TMEM117: variants seen among roughly 807,000 people sequenced by gnomAD.
TMEM117 encodes the protein transmembrane protein 117.
Under a neutral mutation model 52.4 loss-of-function variants are expected in TMEM117, and 27 were observed. The ratio of observed to expected loss-of-function variants is 0.51; its 90% CI spans 0.38 to 0.71. TMEM117 has a LOEUF of 0.71. TMEM117 is among the 30% of genes least tolerant of loss of function. The pLI, the probability that TMEM117 is intolerant of heterozygous loss-of-function variation, is 0.00. For missense variants in TMEM117, 556 were observed against 630.5 expected (o/e 0.88, Z 1.26); for synonymous variants, 215 against 206.3 (o/e 1.04, Z -0.36).
intron 6 of TMEM117, among the ~76,000 whole-genome samples, chr12:44,314,539 C>T (rs1319009677): frequency 6.8e-6 from 1 of 148,032 alleles, no homozygotes; most frequent in African/African-American, 2.5e-5. Context: ...CTATGTTTAT[C>T]AGGGATATTG....
At chr12:44,057,933 C>G (rs575056471) in intron 3 of TMEM117, among the ~76,000 whole-genome samples, 1 of 152,148 alleles carries the variant, frequency 6.6e-6, no homozygotes, top group African/African-American at 2.4e-5. Context: ...ACCTAATACC[C>G]GTACAGGCTT....
intron 5 of TMEM117, among the ~76,000 whole-genome samples, chr12:44,238,591 G>A (rs1180520226): frequency 2.6e-5 from 4 of 151,960 alleles, no homozygotes; most frequent in Admixed American, 1.3e-4. Flanking sequence ...CAATTATCGT[G>A]CTTGTGAATA....
At chr12:44,308,360 T>G (rs1950929665) in intron 6 of TMEM117, among the ~76,000 whole-genome samples, 1 of 152,150 alleles carries the variant, frequency 6.6e-6, no homozygotes, top group South Asian at 2.1e-4. Flanking sequence ...AAAAGAATAT[T>G]TCAGCCCTAT....
intron 3 of TMEM117, among the ~76,000 whole-genome samples, chr12:44,023,378 T>C (rs1222508147): frequency 6.6e-6 from 1 of 152,162 alleles, no homozygotes; most frequent in East Asian, 1.9e-4. Context: ...TTTCTAGTTC[T>C]AGATCCCTGA....
chr12:43,844,442 T>A (rs1943165776), intron 1 of TMEM117, among the ~76,000 whole-genome samples, 182 bp from the exon 2 acceptor site: 1 of 152,250 alleles, frequency 6.6e-6, no homozygotes, highest in South Asian at 2.1e-4. Context: ...TATGATTAGA[T>A]GTTAGGGAAG....
At chr12:44,264,459 A>AG (rs1249935052) in intron 5 of TMEM117, among the ~76,000 whole-genome samples, 2 of 152,130 alleles carry the variant, frequency 1.3e-5, no homozygotes, top group African/African-American at 4.8e-5. Context: ...TGTTTCTGTG[A>AG]GGTGGGTATT....
chr12:43,854,464 G>A (rs78340597), intron 2 of TMEM117, among the ~76,000 whole-genome samples: 2 of 148,276 alleles, frequency 1.3e-5, no homozygotes, highest in South Asian at 2.1e-4. Flanking sequence ...AAAAAAAAAA[G>A]TCCATAGTGG....
chr12:44,361,003 A>G (rs1000443761), intron 6 of TMEM117, among the ~76,000 whole-genome samples: 1 of 152,174 alleles, frequency 6.6e-6, no homozygotes, highest in African/African-American at 2.4e-5. Flanking sequence ...AAGCAGTGCT[A>G]GAGATTGCAT....
intron 6 of TMEM117, among the ~76,000 whole-genome samples, chr12:44,304,164 G>A (rs772466776): frequency 3.9e-4 from 59 of 152,296 alleles, no homozygotes; most frequent in Non-Finnish European, 6.0e-4. Flanking sequence ...CAGTGGCCAC[G>A]TGGCACAGAA....
chr12:44,352,164 A>T (rs1951571600), intron 6 of TMEM117, among the ~76,000 whole-genome samples: 1 of 151,976 alleles, frequency 6.6e-6, no homozygotes, highest in Non-Finnish European at 1.5e-5. Flanking sequence ...CCCATTTTTC[A>T]TTATGTGATT....
At chr12:43,914,790 A>G (rs982956065) in intron 2 of TMEM117, among the ~76,000 whole-genome samples, 7 of 152,152 alleles carry the variant, frequency 4.6e-5, no homozygotes, top group Non-Finnish European at 1.0e-4. Context: ...TCAAAGGGAG[A>G]GGAAGCTGAA....
At chr12:43,834,523 ACT>A (rs113414443), upstream of TMEM117, among the ~76,000 whole-genome samples, 443 of 152,286 alleles carry the variant, frequency 2.9e-3, 3 homozygotes, top group African/African-American at 8.6e-3. Flanking sequence ...ATAGGCAACA[ACT>A]CTTTCTGGCA....
intron 6 of TMEM117, among the ~76,000 whole-genome samples, chr12:44,369,003 G>C (rs1324013312): frequency 6.6e-6 from 1 of 151,708 alleles, no homozygotes; most frequent in African/African-American, 2.4e-5. Flanking sequence ...ACTAACTTTA[G>C]TTATCAGCAA....
At chr12:43,843,332 A>G (rs1943146534) in intron 1 of TMEM117, among the ~76,000 whole-genome samples, 1 of 152,230 alleles carries the variant, frequency 6.6e-6, no homozygotes, top group Admixed American at 6.5e-5. Context: ...TGAGAGCCAA[A>G]TGGGCTCACA....
At chr12:44,287,323 G>A (rs1330732317) in intron 5 of TMEM117, among the ~76,000 whole-genome samples, 2 of 152,278 alleles carry the variant, frequency 1.3e-5, no homozygotes, top group South Asian at 2.1e-4. Context: ...ATGAGCCAGC[G>A]TGTCTTGCTG....
chr12:44,376,285 A>G (rs1565773254), intron 6 of TMEM117: 1 of 321,654 alleles, frequency 3.1e-6, no homozygotes, highest in Non-Finnish European at 5.8e-6. Context: ...CTTCCTAAAA[A>G]CATTTAAGTG....
intron 3 of TMEM117, among the ~76,000 whole-genome samples, chr12:43,997,083 T>C (rs1038200507): frequency 2.6e-5 from 4 of 152,218 alleles, no homozygotes; most frequent in East Asian, 1.9e-4. Flanking sequence ...TTTTACAAAA[T>C]GTTCTAATAC....
At position 44,355,029 on chromosome 12, in the gene TMEM117, C is replaced by T. The variant is rs573114229; in HGVS notation, c.769-21566C>T. ...AAATACCTTTTTATTAATATTAAAA[C>T]TAATAAAGTTAGCAGACCCAAAGTA... On this transcript the variant is annotated intron_variant, in intron 6 of 7. Transcript: ENST00000266534. 3.3e-5 allele frequency among the ~76,000 whole-genome samples: 5 copies of T among 152,016 alleles called. No individual in the cohort carries two copies. In the South Asian group the frequency reaches 1.0e-3, roughly 32 times the overall value.
chr12:43,802,259 T>C, the TMEM117 span: 1 of 1,459,552 alleles, frequency 6.9e-7, no homozygotes, highest in Non-Finnish European at 9.1e-7. Flanking sequence ...CATTTAATGT[T>C]AAACAAACTA....
Sources: gnomAD v4.1 joint callset for allele counts (sites outside exome capture counted in the v4.1 genomes callset) on GRCh38, gnomAD v4.1.1 for gene constraint, MANE v1.5 for transcripts, NCBI Gene and HGNC (gene_info 2026-07-23, HGNC 2026-07-21) for gene names.